The following KIAA2012 variants were observed in gnomAD, a reference collection of about 807,000 sequenced individuals.
KIAA2012 encodes uncharacterized protein KIAA2012.
A neutral mutation model predicts 150.6 loss-of-function variants in KIAA2012; 125 were observed. The ratio of observed to expected loss-of-function variants is 0.83; its 90% CI spans 0.72 to 0.96. The LOEUF is 0.96. Ranked by LOEUF, KIAA2012 falls within the 40% of genes least tolerant of loss-of-function variation. KIAA2012 has a pLI of 0.00. For synonymous variants in KIAA2012, 462 were observed against 504.7 expected (o/e 0.92, Z 1.13); for missense variants, 1,219 against 1,354.9 (o/e 0.90, Z 1.57).
intron 13 of KIAA2012, among the ~76,000 whole-genome samples, chr2:202,139,549 C>T (rs1364041406): frequency 1.3e-5 from 2 of 152,176 alleles, no homozygotes; most frequent in African/African-American, 2.4e-5. Flanking sequence ...CCCCAGCACT[C>T]ATTATACATA....
Position 202,099,792 on chromosome 2 carries a change from C to A in KIAA2012, c.1008C>A (p.Leu336=). The A allele has an allele frequency of 1.3e-6, 2 of 1,548,680 alleles. No homozygotes were observed. The highest frequency in any genetic ancestry group is 8.7e-7 in the Non-Finnish European group (1 of 1,146,214). ...GGAFPNRKAD[L]SDKQRNVKLH... is the part of the protein sequence containing the mutation. ...CCTTCCCTAATAGGAAGGCAGATCT[C>A]AGCGGTAAGAACTCAAATGTCTTGC... Residue 336 remains leucine (L), a synonymous_variant, in exon 6 of 24, where the codon CTC becomes CTA. Transcript: ENST00000498697.
chr2:202,179,702 G>A, intron 15 of KIAA2012: 1 of 664,216 alleles, frequency 1.5e-6, no homozygotes. Flanking sequence ...TTACTTGTTT[G>A]TGGTTGGAAT....
chr2:202,080,186 G>C (rs981170948), intron 2 of KIAA2012, among the ~76,000 whole-genome samples: 1 of 152,176 alleles, frequency 6.6e-6, no homozygotes, highest in Non-Finnish European at 1.5e-5. Flanking sequence ...AGCTTTAACA[G>C]TATGTTTAAA....
At chr2:202,145,019 C>G (rs1315735395) in intron 13 of KIAA2012, among the ~76,000 whole-genome samples, 1 of 152,168 alleles carries the variant, frequency 6.6e-6, no homozygotes, top group Non-Finnish European at 1.5e-5. Context: ...TCTGGAAAAG[C>G]TTTGGGTCAT....
At chr2:202,202,190 AGT>A (rs1254752388) in intron 22 of KIAA2012, among the ~76,000 whole-genome samples, 1 of 152,108 alleles carries the variant, frequency 6.6e-6, no homozygotes. Flanking sequence ...CCTTTCCAGC[AGT>A]GTAAGAACTG....
chr2:202,174,774 A>G (rs1182336861), intron 15 of KIAA2012, among the ~76,000 whole-genome samples: 1 of 152,250 alleles, frequency 6.6e-6, no homozygotes, highest in Non-Finnish European at 1.5e-5. Flanking sequence ...TTGAGAACAT[A>G]TCTCTCAAAG....
chr2:202,198,743 C>T (rs774826932), intron 22 of KIAA2012, among the ~76,000 whole-genome samples: 25 of 152,246 alleles, frequency 1.6e-4, no homozygotes, highest in Admixed American at 2.0e-4. Flanking sequence ...CCCCGAAAAC[C>T]GTGTGATTCC....
intron 2 of KIAA2012, among the ~76,000 whole-genome samples, chr2:202,076,397 T>C (rs1288260471): frequency 2.0e-5 from 3 of 152,178 alleles, no homozygotes; most frequent in Non-Finnish European, 2.9e-5. Flanking sequence ...CCTACCCCCA[T>C]GCCAGGCAGA....
chr2:202,128,254 C>T (rs2105938259), intron 12 of KIAA2012, among the ~76,000 whole-genome samples: 1 of 152,278 alleles, frequency 6.6e-6, no homozygotes, highest in South Asian at 2.1e-4. Context: ...CTCCATGAAA[C>T]TGCAAGCTTT....
Position 202,205,033 on chromosome 2 carries a change from G to A in KIAA2012, c.*56G>A, listed in dbSNP as rs1273262646. The A allele has an allele frequency of 6.6e-6, 1 of 152,198 alleles. No individual in the cohort carries two copies. Among genetic ancestry groups the A allele is most frequent in the Non-Finnish European group, 1.5e-5 (1 of 68,042 alleles). The allele number at this position is 152,198 out of a possible 1,614,324, so 9.4% of individuals were successfully genotyped here. A position where few individuals can be genotyped will look rare whatever the true frequency, so the allele number is the denominator to read the frequency against. On this transcript the variant is annotated 3_prime_UTR_variant, in exon 24 of 24. Transcript: ENST00000498697. ...TTGCAGTCAAGCACCAGATAAGAGT[G>A]ACTTCCCTAAATGTTATTCAAGGTC...
chr2:202,084,003 G>A (rs901867090), intron 2 of KIAA2012, among the ~76,000 whole-genome samples: 6 of 152,168 alleles, frequency 3.9e-5, no homozygotes, highest in Admixed American at 3.9e-4. Flanking sequence ...CCAGGCTTAG[G>A]TGAGCAGAGG....
At chr2:202,129,610 G>A (rs889125220) in intron 12 of KIAA2012, among the ~76,000 whole-genome samples, 2 of 152,124 alleles carry the variant, frequency 1.3e-5, no homozygotes, top group Non-Finnish European at 2.9e-5. Context: ...AAAGGATTGT[G>A]TAGATGGTAG....
At chr2:202,102,442 G>A (rs1690070445) in intron 7 of KIAA2012, among the ~76,000 whole-genome samples, 1 of 152,134 alleles carries the variant, frequency 6.6e-6, no homozygotes, top group African/African-American at 2.4e-5. Context: ...ACCTTATAAG[G>A]TAAGTAGTAT....
At chr2:202,128,109 C>T (rs988845689) in intron 12 of KIAA2012, among the ~76,000 whole-genome samples, 7 of 151,850 alleles carry the variant, frequency 4.6e-5, no homozygotes, top group African/African-American at 1.7e-4. Flanking sequence ...TTCCACTTTC[C>T]CCTCACCCTC....
chr2:202,125,357 G>T, intron 12 of KIAA2012, 75 bp downstream of exon 12: 1 of 1,181,970 alleles, frequency 8.5e-7, no homozygotes, highest in East Asian at 2.6e-5. Context: ...TTCATATATA[G>T]ACCTCCAGAA....
At chr2:202,168,095 G>A (rs1691808327) in intron 15 of KIAA2012, among the ~76,000 whole-genome samples, 1 of 151,972 alleles carries the variant, frequency 6.6e-6, no homozygotes, top group African/African-American at 2.4e-5. Context: ...TTGTGACAAA[G>A]AAGAGTTAAC....
At chr2:202,146,289 G>A (rs1559220070) in intron 13 of KIAA2012, among the ~76,000 whole-genome samples, 2 of 152,078 alleles carry the variant, frequency 1.3e-5, no homozygotes, top group Non-Finnish European at 2.9e-5. Context: ...GATTACTTGA[G>A]CTCAGGAGTT....
In KIAA2012 at chr2:202,100,456, T is replaced by G. The variant is rs775284212; in HGVS notation, c.1155+7T>G. ...GGAAGTGAAGAAGAAAAAGGTTGTGTGTATATGTATGTTTGTGCATACAGG... is the reference window on the plus strand; with the variant it reads ...GGAAGTGAAGAAGAAAAAGGTTGTGGGTATATGTATGTTTGTGCATACAGG... On this transcript the variant is annotated splice_region_variant and intron_variant, in intron 7 of 23. Transcript: ENST00000498697. 6.5e-7 allele frequency: 1 copy of G among 1,547,316 alleles called. No homozygotes were observed. The highest frequency in any genetic ancestry group is 1.2e-5 in the South Asian group (1 of 83,820).
intron 13 of KIAA2012, among the ~76,000 whole-genome samples, 167 bp from the exon 14 acceptor site, chr2:202,154,506 C>G (rs1691484899): frequency 6.6e-6 from 1 of 152,206 alleles, no homozygotes; most frequent in Non-Finnish European, 1.5e-5. Flanking sequence ...GGGCTATTTT[C>G]TCTCTATAGG....
Sources: gnomAD v4.1 joint callset for allele counts (sites outside exome capture counted in the v4.1 genomes callset) on GRCh38, gnomAD v4.1.1 for gene constraint, MANE v1.5 for transcripts, NCBI Gene and HGNC (gene_info 2026-07-23, HGNC 2026-07-21) for gene names.